The following SRGAP2 variants were observed in gnomAD, a reference collection of about 807,000 sequenced individuals.
The protein encoded by SRGAP2 is SLIT-ROBO Rho GTPase-activating protein 2.
In SRGAP2, 15 loss-of-function variants were observed where a neutral mutation model predicts 57.2. The ratio of observed to expected loss-of-function variants is 0.26; its 90% CI spans 0.18 to 0.40. SRGAP2 has a LOEUF of 0.40. SRGAP2 is among the 10% of genes least tolerant of loss of function. SRGAP2 has a pLI of 1.00. For missense variants in SRGAP2, 520 were observed against 669.6 expected (o/e 0.78, Z 2.47); for synonymous variants, 249 against 248.0 (o/e 1.00, Z -0.04).
intron 2 of SRGAP2, among the ~76,000 whole-genome samples, chr1:206,289,511 T>A (rs1304062825): frequency 6.6e-6 from 1 of 152,004 alleles, no homozygotes; most frequent in Non-Finnish European, 1.5e-5. Context: ...TCTCCTGACC[T>A]CGTGGTCCGC....
chr1:206,398,728 C>T (rs1173482388), intron 7 of SRGAP2, among the ~76,000 whole-genome samples: 1 of 152,038 alleles, frequency 6.6e-6, no homozygotes, highest in Non-Finnish European at 1.5e-5. Flanking sequence ...TATGACATGG[C>T]AAGTCATAGA....
rs1553380758 is a variant in SRGAP2 at position 206,461,424 on chromosome 1, A to T, written c.*4A>T. The T allele has an allele frequency of 4.0e-6, 3 of 747,072 alleles. No individual in the cohort carries two copies. Among genetic ancestry groups the T allele is most frequent in the African/African-American group, 1.7e-5 (1 of 57,952 alleles). The allele number at this position is 747,072 out of a possible 1,614,324, so 46.3% of individuals were successfully genotyped here. On this transcript the variant is annotated 3_prime_UTR_variant, in exon 23 of 23. Coordinates refer to ENST00000573034, the MANE Select transcript of SRGAP2 (RefSeq NM_015326.5). ...TGACAAGTCTTGTACTGTCTGAGGG[A>T]TAATAATTTAATTGTTCTAGACAAG...
chr1:206,313,882 C>T (rs1392316473), intron 3 of SRGAP2, among the ~76,000 whole-genome samples: 1 of 151,412 alleles, frequency 6.6e-6, no homozygotes, highest in African/African-American at 2.4e-5. Context: ...AGACACATGC[C>T]AGATACCCAC....
Position 206,463,375 on chromosome 1 carries a change from A to G in SRGAP2, c.*1955A>G, listed in dbSNP as rs9430148. On this transcript the variant is annotated 3_prime_UTR_variant, in exon 23 of 23. Transcript: ENST00000573034. The stretch of plus-strand genomic sequence containing the variant: ...TGTCACCTGGGCCTACACAGGTCCC[A>G]AGCCAACGGGGCTTTCATACCCAAG... 0.93 allele frequency: 142,508 copies of G among 152,658 alleles called. 66,578 individuals carry two copies. Among genetic ancestry groups the G allele is most frequent in the East Asian group, 1 (5,186 of 5,186 alleles). 9.5% of individuals were successfully genotyped at this position (152,658 alleles called of 1,614,324 possible).
At chr1:206,426,998 T>C (rs1553366566) in intron 13 of SRGAP2, among the ~76,000 whole-genome samples, 2 of 152,212 alleles carry the variant, frequency 1.3e-5, no homozygotes, top group Non-Finnish European at 2.9e-5. Context: ...TTTTTGCTTT[T>C]GTTGCCTATG....
chr1:206,280,200 C>G (rs1454559523), intron 2 of SRGAP2, among the ~76,000 whole-genome samples: 10 of 146,442 alleles, frequency 6.8e-5, no homozygotes, highest in African/African-American at 2.5e-4. Flanking sequence ...TCCCGTCAGC[C>G]TCCTGAATAG....
intron 2 of SRGAP2, among the ~76,000 whole-genome samples, chr1:206,215,288 G>A (rs1206766404): frequency 2.3e-5 from 3 of 132,570 alleles, no homozygotes; most frequent in East Asian, 2.2e-4. Flanking sequence ...GATAGGAAAC[G>A]TGTCTGGAAG....
rs577713115 is a variant in SRGAP2 at position 206,353,963 on chromosome 1, C to G, written c.423+10955C>G. Among the ~76,000 whole-genome samples, 1,089 of 151,640 alleles carry G rather than the reference C, an allele frequency of 7.2e-3. 4 individuals carry two copies. The highest frequency in any genetic ancestry group is 9.4e-3 in the Non-Finnish European group (640 of 67,938). On this transcript the variant is annotated intron_variant, in intron 4 of 22. Transcript: ENST00000573034. ...TACAGGTGTGTACCATCATGCTTGG[C>G]TAATTTTTTTAGAGATGGGGTCTCG...
At chr1:206,375,777 G>A (rs1655143335) in intron 4 of SRGAP2, among the ~76,000 whole-genome samples, 2 of 152,080 alleles carry the variant, frequency 1.3e-5, no homozygotes. Flanking sequence ...AGTGAGCTTT[G>A]TTAGTGAGCA....
At chr1:206,206,298 C>G (rs548911619) in intron 2 of SRGAP2, 18 of 469,902 alleles carry the variant, frequency 3.8e-5, no homozygotes, top group African/African-American at 1.2e-4. Flanking sequence ...CCCTTTCCCC[C>G]CCAAGCCGGA....
Position 206,458,930 on chromosome 1 carries a change from C to T in SRGAP2, c.2815C>T (p.Pro939Ser), listed in dbSNP as rs1261597860. ...KSFNNHRPMD[P>S]EVIAQDIEAT... ...CTTCAATAACCATCGGCCCATGGAC[C>T]CTGAGGTCATTGCTCAGGTAACTGT... The change falls in exon 22 of 23, where the codon CCT becomes TCT. Residue 939 changes from proline (P) to serine (S), a missense_variant. Pro to Ser is a moderately conservative substitution (Grantham distance 74). Coordinates refer to ENST00000573034, the MANE Select transcript of SRGAP2 (RefSeq NM_015326.5). 1 of 773,580 alleles carries T rather than the reference C, an allele frequency of 1.3e-6. No individual in the cohort carries two copies. The highest frequency in any genetic ancestry group is 2.4e-6 in the Non-Finnish European group (1 of 414,054). The allele number at this position is 773,580 out of a possible 1,614,324, so 47.9% of individuals were successfully genotyped here.
intron 8 of SRGAP2, 108 bp downstream of exon 8, chr1:206,401,753 CT>C: frequency 1.6e-6 from 1 of 627,194 alleles, no homozygotes; most frequent in Non-Finnish European, 2.9e-6. Flanking sequence ...CTGGGCCCGG[CT>C]TTTTGTCAGG....
chr1:206,308,042 T>A (rs1388696675), intron 3 of SRGAP2, among the ~76,000 whole-genome samples: 71 of 148,752 alleles, frequency 4.8e-4, no homozygotes, highest in Non-Finnish European at 8.4e-4. Context: ...CTAATTAAGA[T>A]CACATACTAG....
intron 3 of SRGAP2, among the ~76,000 whole-genome samples, chr1:206,326,391 C>T (rs1239876659): frequency 4.0e-5 from 6 of 151,798 alleles, no homozygotes; most frequent in Non-Finnish European, 7.4e-5. Flanking sequence ...TTTCAGGCGC[C>T]GTTAGGCAGC....
At chr1:206,439,494 T>C (rs192073168) in intron 16 of SRGAP2, among the ~76,000 whole-genome samples, 1 of 150,862 alleles carries the variant, frequency 6.6e-6, no homozygotes, top group Admixed American at 6.6e-5. Context: ...CACCGAGAAG[T>C]AGGCCCTTTG....
intron 2 of SRGAP2, among the ~76,000 whole-genome samples, chr1:206,263,102 T>C (rs1428399318): frequency 1.3e-4 from 19 of 150,250 alleles, no homozygotes; most frequent in African/African-American, 4.4e-4. Flanking sequence ...CTCCTGATAG[T>C]GCCACTTGAT....
rs185544444 is a variant in SRGAP2 at position 206,412,393 on chromosome 1, G to C, written c.1357-3496G>C. Among the ~76,000 whole-genome samples, 27 of 152,276 alleles carry C rather than the reference G, an allele frequency of 1.8e-4. No individual in the cohort carries two copies. In the East Asian group the frequency reaches 4.2e-3, roughly 24 times the overall value. ...TTTAAGTGTGAAAGTTGTTGGGGGT[G>C]GGCACTGGTCAGACTGTGTTTTAGG... On this transcript the variant is annotated intron_variant, in intron 10 of 22. Coordinates refer to ENST00000573034, the MANE Select transcript of SRGAP2 (RefSeq NM_015326.5).
chr1:206,290,416 G>A (rs1671243984), intron 2 of SRGAP2, among the ~76,000 whole-genome samples: 1 of 152,166 alleles, frequency 6.6e-6, no homozygotes, highest in Non-Finnish European at 1.5e-5. Flanking sequence ...GGAGGCCAAG[G>A]CAGGTGGATC....
chr1:206,394,079 C>T (rs1657321039), intron 7 of SRGAP2, among the ~76,000 whole-genome samples: 1 of 108,784 alleles, frequency 9.2e-6, no homozygotes, highest in Non-Finnish European at 1.7e-5. Context: ...TAGAGTCTTG[C>T]TCTGTCCCCC....
Sources: gnomAD v4.1 joint callset for allele counts (sites outside exome capture counted in the v4.1 genomes callset) on GRCh38, gnomAD v4.1.1 for gene constraint, MANE v1.5 for transcripts, NCBI Gene and HGNC (gene_info 2026-07-23, HGNC 2026-07-21) for gene names.